ANKRD30BL: variants seen among roughly 807,000 people sequenced by gnomAD.
The protein encoded by ANKRD30BL is putative ankyrin repeat domain-containing protein 30B-like.
A neutral mutation model predicts 18.4 loss-of-function variants in ANKRD30BL; 20 were observed. The ratio of observed to expected loss-of-function variants is 1.09; its 90% CI spans 0.77 to 1.58. ANKRD30BL has a LOEUF of 1.58. ANKRD30BL is among the 40% of genes most tolerant of loss of function. The pLI, the probability that ANKRD30BL is intolerant of heterozygous loss-of-function variation, is 0.00. For missense variants in ANKRD30BL, 224 were observed against 268.6 expected, an observed-to-expected ratio of 0.83 and a Z score of 1.16; for synonymous variants, 72 against 100.9, an observed-to-expected ratio of 0.71 and a Z score of 1.72.
At position 132,238,185 on chromosome 2, in the gene ANKRD30BL, C is replaced by T. The variant is rs373511853; in HGVS notation, n.441+19344G>A. Among the ~76,000 whole-genome samples, 78 of 151,992 alleles carry T rather than the reference C, an allele frequency of 5.1e-4. No individual in the cohort carries two copies. In the South Asian group the frequency reaches 0.016, roughly 31 times the overall value. On this transcript the variant is annotated intron_variant and non_coding_transcript_variant, in intron 1 of 4. Coordinates refer to the ANKRD30BL transcript ENST00000470729. ...CAGAAACTTCTTTGCGATGTGCGTACTCAACTCACAGAGTTAAACCTATCG... is the reference window on the plus strand; with the variant it reads ...CAGAAACTTCTTTGCGATGTGCGTATTCAACTCACAGAGTTAAACCTATCG...
At chr2:132,190,611 A>G (rs910921789) in intron 1 of ANKRD30BL, among the ~76,000 whole-genome samples, 2 of 152,126 alleles carry the variant, frequency 1.3e-5, no homozygotes, top group African/African-American at 2.4e-5. Context: ...TATACATTAT[A>G]GACTATACAT....
At chr2:132,173,725 A>T (rs1340227152) in intron 1 of ANKRD30BL, among the ~76,000 whole-genome samples, 3 of 152,168 alleles carry the variant, frequency 2.0e-5, no homozygotes, top group Admixed American at 2.0e-4. Flanking sequence ...GGAATAAGTG[A>T]AATAAATTTT....
At chr2:132,151,456 A>T (rs1199826296) in intron 4 of ANKRD30BL, among the ~76,000 whole-genome samples, 1 of 152,142 alleles carries the variant, frequency 6.6e-6, no homozygotes, top group African/African-American at 2.4e-5. Flanking sequence ...GAAACAATTT[A>T]AAATTCCCAA....
At chr2:132,225,155 C>G (rs1008195877) in intron 1 of ANKRD30BL, among the ~76,000 whole-genome samples, 2 of 151,906 alleles carry the variant, frequency 1.3e-5, no homozygotes, top group African/African-American at 4.8e-5. Flanking sequence ...AATATCTTCA[C>G]ATAATCACTA....
At chr2:132,244,628 T>C (rs1415488712) in intron 1 of ANKRD30BL, among the ~76,000 whole-genome samples, 263 of 150,370 alleles carry the variant, frequency 1.7e-3, no homozygotes, top group African/African-American at 6.1e-3. Context: ...AGACACTTCG[T>C]TGTGATGTGT....
chr2:132,171,968 GCAT>G (rs1688291771), intron 1 of ANKRD30BL, among the ~76,000 whole-genome samples: 1 of 152,224 alleles, frequency 6.6e-6, no homozygotes, highest in African/African-American at 2.4e-5. Flanking sequence ...TTATCCTTTT[GCAT>G]CTGGATTATT....
intron 1 of ANKRD30BL, among the ~76,000 whole-genome samples, chr2:132,252,230 G>A (rs1281297323): frequency 2.0e-5 from 3 of 152,256 alleles, no homozygotes; most frequent in Non-Finnish European, 2.9e-5. Flanking sequence ...CACCCCTACA[G>A]TGGCTGCGCC....
chr2:132,248,318 G>A (rs375074115), intron 1 of ANKRD30BL, among the ~76,000 whole-genome samples: 1 of 151,856 alleles, frequency 6.6e-6, no homozygotes, highest in East Asian at 1.9e-4. Flanking sequence ...ACATCCATTT[G>A]CAGATTCTAC....
rs1558928518 is a variant in ANKRD30BL, at chr2:132,198,307, TCTTTCTTTCTTTC to T, written n.442-41174_442-41162del. Among the ~76,000 whole-genome samples, 47 of 15,216 alleles carry T rather than the reference TCTTTCTTTCTTTC, an allele frequency of 3.1e-3. 3 individuals carry two copies. The highest frequency in any genetic ancestry group is 4.9e-3 in the African/African-American group (30 of 6,162). The allele number at this position is 15,216 out of a possible 152,430, so 10.0% of individuals were successfully genotyped here. On this transcript the variant is annotated intron_variant and non_coding_transcript_variant, in intron 1 of 4. Transcript: ENST00000470729. ...TTCTTTCTTTCTTTCTTTCTTTCTT[TCTTTCTTTCTTTC>T]TTTCTTTTTTTTTTTTTTTTTTAGA...
chr2:132,180,963 T>C (rs890386411), intron 1 of ANKRD30BL, among the ~76,000 whole-genome samples: 3 of 151,516 alleles, frequency 2.0e-5, no homozygotes, highest in South Asian at 2.1e-4. Context: ...CTGGCTAACA[T>C]GGTGAAACTC....
intron 4 of ANKRD30BL, 39 bp from the exon 5 acceptor site, chr2:132,151,015 A>G (rs536002212): frequency 1.4e-5 from 8 of 552,434 alleles, no homozygotes; most frequent in Non-Finnish European, 2.6e-5. Context: ...CACTATTTTA[A>G]CATTGATATA....
intron 1 of ANKRD30BL, among the ~76,000 whole-genome samples, chr2:132,243,684 C>T (rs551191105): frequency 7.9e-4 from 119 of 151,448 alleles, no homozygotes; most frequent in African/African-American, 2.6e-3. Context: ...GTAGAATGTG[C>T]AAGTGGATAT....
chr2:132,247,496 C>T (rs1011119927), intron 1 of ANKRD30BL, among the ~76,000 whole-genome samples: 2 of 151,738 alleles, frequency 1.3e-5, no homozygotes, highest in Non-Finnish European at 3.0e-5. Flanking sequence ...TGTTTCCAAA[C>T]AGCTCAATGA....
At chr2:132,204,617 A>G (rs1033872446) in intron 1 of ANKRD30BL, among the ~76,000 whole-genome samples, 4 of 152,120 alleles carry the variant, frequency 2.6e-5, no homozygotes, top group African/African-American at 7.2e-5. Flanking sequence ...GTGATGAATG[A>G]CTAAATTAAA....
upstream of ANKRD30BL, among the ~76,000 whole-genome samples, chr2:132,165,793 G>A (rs1035739455): frequency 7.5e-5 from 11 of 147,428 alleles, no homozygotes; most frequent in African/African-American, 2.5e-4. Context: ...ATATAGTATA[G>A]CAACTATGGG....
intron 1 of ANKRD30BL, among the ~76,000 whole-genome samples, chr2:132,216,330 G>A (rs1558937935): frequency 6.6e-6 from 1 of 151,920 alleles, no homozygotes; most frequent in African/African-American, 2.4e-5. Context: ...AGCACTTTTA[G>A]GCCTACGGTG....
At chr2:132,257,064 G>A (rs778135560) in intron 1 of ANKRD30BL, 10 of 485,902 alleles carry the variant, frequency 2.1e-5, no homozygotes, top group South Asian at 2.9e-5. Context: ...CTAGGATGCC[G>A]GACGGCCCTC....
At chr2:132,167,346 A>G (rs537253219) in intron 1 of ANKRD30BL, among the ~76,000 whole-genome samples, 36 of 113,030 alleles carry the variant, frequency 3.2e-4, no homozygotes, top group African/African-American at 1.3e-3. Context: ...TTTTATTTTG[A>G]GATAGAGCCT....
At chr2:132,228,559 A>G (rs1358356758) in intron 1 of ANKRD30BL, among the ~76,000 whole-genome samples, 1 of 151,602 alleles carries the variant, frequency 6.6e-6, no homozygotes, top group African/African-American at 2.4e-5. Context: ...GCAAGTGGAC[A>G]TTTGGAGCGC....
Sources: allele counts gnomAD v4.1 joint callset (sites outside exome capture counted in the v4.1 genomes callset), GRCh38; gene constraint gnomAD v4.1.1; transcripts MANE v1.5; gene names NCBI Gene and HGNC (gene_info 2026-07-23, HGNC 2026-07-21).